Variants in DDX60L observed in about 807,000 individuals in gnomAD.
The protein encoded by DDX60L is probable ATP-dependent RNA helicase DDX60-like.
DDX60L carries 191 observed loss-of-function variants against 211.6 expected under a neutral mutation model. That is an observed-to-expected ratio of 0.90 (90% CI 0.80 to 1.02). DDX60L has a LOEUF of 1.02. Ranked by LOEUF, DDX60L falls within the 50% of genes least tolerant of loss-of-function variation. DDX60L has a pLI of 0.00. For missense variants in DDX60L, 2,007 were observed against 1,984.1 expected, an observed-to-expected ratio of 1.01 and a Z score of -0.22; for synonymous variants, 706 against 694.1, an observed-to-expected ratio of 1.02 and a Z score of -0.27.
intron 1 of DDX60L, among the ~76,000 whole-genome samples, chr4:168,477,838 T>C (rs1759794881): frequency 6.6e-6 from 1 of 152,192 alleles, no homozygotes; most frequent in Non-Finnish European, 1.5e-5. Context: ...ATGTCTATAG[T>C]GTTTTAGTTG....
At chr4:168,451,558 C>T (rs2634951) in intron 8 of DDX60L, among the ~76,000 whole-genome samples, 123,652 of 152,154 alleles carry the variant, frequency 0.81, 50,337 homozygotes, top group East Asian at 0.89. Context: ...CCACCAACAT[C>T]TTAGCCATGT....
chr4:168,441,514 T>A, intron 9 of DDX60L, 22 bp from the exon 10 acceptor site: 1 of 1,570,788 alleles, frequency 6.4e-7, no homozygotes, highest in Non-Finnish European at 8.6e-7. Context: ...TAAAAAATAT[T>A]AAAATCTCAA....
chr4:168,421,959 C>T (rs749350890), intron 16 of DDX60L, 50 bp from the exon 17 acceptor site: 2 of 1,610,680 alleles, frequency 1.2e-6, no homozygotes, highest in Non-Finnish European at 1.7e-6. Context: ...CAGCATGTTA[C>T]CAAAACACAG....
chr4:168,433,689 C>G (rs1409275987), intron 10 of DDX60L, among the ~76,000 whole-genome samples: 1 of 152,118 alleles, frequency 6.6e-6, no homozygotes, highest in Admixed American at 6.5e-5. Context: ...AATCCTTCTC[C>G]TCCCTCATTC....
At chr4:168,377,268 G>A (rs955768960) in intron 33 of DDX60L, among the ~76,000 whole-genome samples, 1 of 151,012 alleles carries the variant, frequency 6.6e-6, no homozygotes, top group African/African-American at 2.4e-5. Flanking sequence ...CTCTAGCCTG[G>A]GTGAGTGAGC....
Position 168,411,809 on chromosome 4 carries a change from G to A in DDX60L, c.2979+3599C>T, listed in dbSNP as rs537728760. On this transcript the variant is annotated intron_variant, in intron 22 of 37. Coordinates refer to ENST00000682922, the MANE Select transcript of DDX60L (RefSeq NM_001012967.3). ...CATCCCTCCCCCAACCCTAAGCAGTGCAGCTCGCAGCTCTGAGCAAAACTC... is the reference window on the plus strand; with the variant it reads ...CATCCCTCCCCCAACCCTAAGCAGTACAGCTCGCAGCTCTGAGCAAAACTC... Among the ~76,000 whole-genome samples the A allele has an allele frequency of 3.3e-5, 5 of 152,138 alleles. No homozygotes were observed. The South Asian group carries it at 6.2e-4, about 19-fold the overall frequency.
chr4:168,387,582 G>T (rs1212596867), intron 29 of DDX60L, among the ~76,000 whole-genome samples: 1 of 152,180 alleles, frequency 6.6e-6, no homozygotes, highest in Non-Finnish European at 1.5e-5. Context: ...TGCCTCTGCA[G>T]ATCTCATATC....
At chr4:168,420,128 G>T in intron 18 of DDX60L, 133 bp downstream of exon 18, 2 of 790,376 alleles carry the variant, frequency 2.5e-6, no homozygotes, top group Middle Eastern at 3.9e-4. Context: ...TTTCCTTAGA[G>T]CAATTTCATT....
In DDX60L at chr4:168,375,473, T is replaced by G. The variant is rs377749496; in HGVS notation, c.4537A>C (p.Asn1513His). The change falls in exon 34 of 38, where the codon AAC (asparagine) becomes CAC (histidine). Residue 1513 changes from asparagine (N) to histidine (H), a missense_variant. Transcript: ENST00000682922. ...EDFKAALYEY[N>H]LAVMKDFASF... ...GCAAAATCCTTCATTACTGCCAGGT[T>G]ATACTCATATAAAGCAGCTTTAAAA... 4 of 1,613,002 alleles carry G rather than the reference T, an allele frequency of 2.5e-6. No individual in the cohort carries two copies. Among genetic ancestry groups the G allele is most frequent in the African/African-American group, 1.3e-5 (1 of 74,898 alleles).
intron 36 of DDX60L, among the ~76,000 whole-genome samples, chr4:168,363,950 A>T (rs776125782): frequency 1.1e-4 from 17 of 152,186 alleles, no homozygotes; most frequent in Non-Finnish European, 2.1e-4. Context: ...CCCTGTCTGT[A>T]CAAAAAAGAA....
At chr4:168,387,121 T>C (rs1744033214) in intron 29 of DDX60L, among the ~76,000 whole-genome samples, 1 of 152,198 alleles carries the variant, frequency 6.6e-6, no homozygotes, top group Non-Finnish European at 1.5e-5. Context: ...CAGAATGGAC[T>C]CCTGTGGCTG....
intron 29 of DDX60L, among the ~76,000 whole-genome samples, chr4:168,390,925 T>C (rs1367282824): frequency 1.3e-5 from 2 of 152,044 alleles, no homozygotes; most frequent in African/African-American, 4.8e-5. Context: ...CCGAGTAACA[T>C]TTCTCACTCC....
chr4:168,415,536 A>T lies in DDX60L; in HGVS notation c.2870-19T>A. The T allele has an allele frequency of 6.6e-7, 1 of 1,512,464 alleles. No individual in the cohort carries two copies. Among genetic ancestry groups the T allele is most frequent in the Non-Finnish European group, 9.1e-7 (1 of 1,101,120 alleles). 93.7% of individuals were successfully genotyped at this position (1,512,464 alleles called of 1,614,324 possible). On this transcript the variant is annotated intron_variant, in intron 21 of 37. Coordinates refer to ENST00000682922, the MANE Select transcript of DDX60L (RefSeq NM_001012967.3). ...CAGAGCACTAGATACGAAGAGCAAG[A>T]ATATCCAAATTAATGGACATACGAT... is the stretch of plus-strand genomic sequence containing the variant.
At chr4:168,367,400 T>A (rs1447923288) in intron 36 of DDX60L, among the ~76,000 whole-genome samples, 1 of 152,238 alleles carries the variant, frequency 6.6e-6, no homozygotes, top group Non-Finnish European at 1.5e-5. Context: ...TCTGCCACCA[T>A]GTGAGACGTG....
chr4:168,373,876 A>C, intron 34 of DDX60L, 68 bp from the exon 35 acceptor site: 1 of 1,525,548 alleles, frequency 6.6e-7, no homozygotes, highest in Middle Eastern at 1.8e-4. Context: ...TTTCAAACTC[A>C]CTGTAGGTCA....
intron 4 of DDX60L, chr4:168,469,757 A>G: frequency 6.6e-6 from 1 of 152,198 alleles, no homozygotes; most frequent in Non-Finnish European, 1.5e-5. Flanking sequence ...GCATGCCTGT[A>G]GTTCCAAGTA....
At chr4:168,435,218 C>A (rs1033444004) in intron 10 of DDX60L, among the ~76,000 whole-genome samples, 1 of 152,170 alleles carries the variant, frequency 6.6e-6, no homozygotes, top group African/African-American at 2.4e-5. Context: ...TTTCAGAATG[C>A]GTAACTGGGA....
intron 26 of DDX60L, among the ~76,000 whole-genome samples, chr4:168,399,117 C>G (rs1318651336): frequency 8.5e-5 from 13 of 152,198 alleles, no homozygotes. Flanking sequence ...GTCTGTGTAC[C>G]TCATTCTTCC....
chr4:168,438,397 T>C (rs1019651478), intron 10 of DDX60L, among the ~76,000 whole-genome samples: 2 of 152,166 alleles, frequency 1.3e-5, no homozygotes, highest in Non-Finnish European at 2.9e-5. Flanking sequence ...TCAAGACTTC[T>C]TGGGATTGTG....
Sources: allele counts gnomAD v4.1 joint callset (sites outside exome capture counted in the v4.1 genomes callset), GRCh38; gene constraint gnomAD v4.1.1; transcripts MANE v1.5; gene names NCBI Gene and HGNC (gene_info 2026-07-23, HGNC 2026-07-21).